The following RBMS3 variants were observed in gnomAD, a reference collection of about 807,000 sequenced individuals.
The protein encoded by RBMS3 is RNA-binding motif, single-stranded-interacting protein 3.
A neutral mutation model predicts 66.8 loss-of-function variants in RBMS3; 27 were observed. The ratio of observed to expected loss-of-function variants is 0.40; its 90% CI spans 0.30 to 0.56. RBMS3 has a LOEUF of 0.56. Among genes scored for constraint, RBMS3 ranks in the 20% least tolerant of loss-of-function variants. The pLI is 0.40. For synonymous variants in RBMS3, 188 were observed against 183.0 expected, an observed-to-expected ratio of 1.03 and a Z score of -0.22; for missense variants, 513 against 549.5, an observed-to-expected ratio of 0.93 and a Z score of 0.66.
rs2047776630 is a variant in RBMS3, at chr3:29,592,483, G to A, written c.399+5278G>A. On this transcript the variant is annotated intron_variant, in intron 4 of 14. Coordinates refer to ENST00000383767, the MANE Select transcript of RBMS3 (RefSeq NM_001003793.3). Reference sequence around the variant, plus strand: ...ATACCATCTCACACCAGTTAGAATGGCAATTATTAAAAAGTCAGGAAACAA... The same window carrying A: ...ATACCATCTCACACCAGTTAGAATGACAATTATTAAAAAGTCAGGAAACAA... Among the ~76,000 whole-genome samples the A allele has an allele frequency of 2.0e-5, 3 of 152,260 alleles. No individual in the cohort carries two copies. In the South Asian group the frequency reaches 6.2e-4, roughly 32 times the overall value.
intron 1 of RBMS3, among the ~76,000 whole-genome samples, chr3:29,388,548 C>T (rs1432622880): frequency 6.6e-6 from 1 of 152,138 alleles, no homozygotes; most frequent in Non-Finnish European, 1.5e-5. Flanking sequence ...ACCACTTTGC[C>T]CCCCACTGCC....
intron 1 of RBMS3, among the ~76,000 whole-genome samples, chr3:29,433,969 G>A (rs963052685): frequency 2.0e-5 from 3 of 152,140 alleles, no homozygotes; most frequent in Non-Finnish European, 2.9e-5. Flanking sequence ...GGCATTACTA[G>A]AATCTGGGAG....
At chr3:29,363,647 G>T (rs1420595088) in intron 1 of RBMS3, among the ~76,000 whole-genome samples, 2 of 152,002 alleles carry the variant, frequency 1.3e-5, no homozygotes, top group South Asian at 4.1e-4. Context: ...AAAATTAGCC[G>T]AGTGTTGTGG....
At chr3:29,317,063 G>A (rs185046428) in intron 1 of RBMS3, among the ~76,000 whole-genome samples, 10 of 151,756 alleles carry the variant, frequency 6.6e-5, no homozygotes, top group East Asian at 3.9e-4. Flanking sequence ...TTGTCAAAAC[G>A]TTTTTAGGGA....
rs577941573 is a variant in RBMS3 at position 29,959,829 on chromosome 3, C to T, written c.1098+15575C>T. On this transcript the variant is annotated intron_variant, in intron 12 of 14. Transcript: ENST00000383767. ...AACCATCAGATCTCCTGAGAACTCA[C>T]TATCACAAGAACAGCATAGAGGAAC... Among the ~76,000 whole-genome samples the T allele has an allele frequency of 4.4e-4, 67 of 152,236 alleles. No homozygotes were observed. The Middle Eastern group carries it at 0.01, about 23-fold the overall frequency.
intron 1 of RBMS3, among the ~76,000 whole-genome samples, chr3:29,311,124 T>C (rs2034347517): frequency 6.6e-6 from 1 of 151,772 alleles, no homozygotes; most frequent in Admixed American, 6.6e-5. Context: ...ATGGGGCCAG[T>C]GAGCATGGCA....
chr3:29,540,886 C>T (rs1043694280), intron 3 of RBMS3, among the ~76,000 whole-genome samples: 12 of 152,192 alleles, frequency 7.9e-5, no homozygotes, highest in Non-Finnish European at 1.0e-4. Flanking sequence ...CGCAATTTAA[C>T]ATAGGGATGG....
chr3:29,802,342 G>C (rs74967732), intron 6 of RBMS3, among the ~76,000 whole-genome samples: 1 of 152,044 alleles, frequency 6.6e-6, no homozygotes, highest in African/African-American at 2.4e-5. Context: ...TACTGTTCTC[G>C]TATTATATGA....
intron 1 of RBMS3, among the ~76,000 whole-genome samples, chr3:29,335,869 T>G (rs1021021823): frequency 6.6e-6 from 1 of 152,154 alleles, no homozygotes; most frequent in Non-Finnish European, 1.5e-5. Context: ...ACTTCCTGCC[T>G]CCCTCCCTCT....
At chr3:29,993,861 T>C (rs556326419) in intron 14 of RBMS3, among the ~76,000 whole-genome samples, 5 of 152,192 alleles carry the variant, frequency 3.3e-5, no homozygotes, top group Non-Finnish European at 5.9e-5. Flanking sequence ...ATCATGGGAC[T>C]TCTCAATCTT....
At chr3:29,877,511 T>C (rs2059636384) in intron 7 of RBMS3, among the ~76,000 whole-genome samples, 2 of 152,228 alleles carry the variant, frequency 1.3e-5, no homozygotes, top group African/African-American at 4.8e-5. Flanking sequence ...GCTTGCAGCC[T>C]TTTGTAGAAC....
chr3:29,363,185 A>C (rs917494423), intron 1 of RBMS3, among the ~76,000 whole-genome samples: 3 of 152,232 alleles, frequency 2.0e-5, no homozygotes, highest in African/African-American at 7.2e-5. Context: ...ATCCTTCAGG[A>C]GACTTAGTGT....
intron 4 of RBMS3, among the ~76,000 whole-genome samples, chr3:29,644,296 C>T (rs567163868): frequency 1.3e-5 from 2 of 152,086 alleles, no homozygotes; most frequent in African/African-American, 2.4e-5. Context: ...CAATTTTGAA[C>T]GGGTTTCAAT....
intron 3 of RBMS3, among the ~76,000 whole-genome samples, chr3:29,553,144 C>T (rs1479293241): frequency 1.3e-5 from 2 of 152,130 alleles, no homozygotes; most frequent in African/African-American, 2.4e-5. Flanking sequence ...AAGCATATTG[C>T]TTTTATTCCC....
intron 6 of RBMS3, among the ~76,000 whole-genome samples, chr3:29,818,383 CAT>C (rs2057978593): frequency 6.8e-6 from 1 of 146,398 alleles, no homozygotes; most frequent in Non-Finnish European, 1.5e-5. Flanking sequence ...ATTTTTTGTC[CAT>C]GTGTGTATTT....
At chr3:29,826,154 G>T (rs1360618519) in intron 6 of RBMS3, among the ~76,000 whole-genome samples, 2 of 152,042 alleles carry the variant, frequency 1.3e-5, no homozygotes, top group Non-Finnish European at 2.9e-5. Flanking sequence ...CTATGAAAAT[G>T]AATTTTAGTT....
chr3:29,998,740 C>T (rs1699418530), intron 14 of RBMS3, among the ~76,000 whole-genome samples: 1 of 152,114 alleles, frequency 6.6e-6, no homozygotes, highest in Non-Finnish European at 1.5e-5. Flanking sequence ...TGGATCCCTT[C>T]CTTACACCTT....
intron 3 of RBMS3, among the ~76,000 whole-genome samples, chr3:29,505,148 G>C (rs567261517): frequency 3.2e-4 from 48 of 152,138 alleles, no homozygotes; most frequent in African/African-American, 1.1e-3. Flanking sequence ...ATGTCACAGA[G>C]CTTTTCGGCT....
Position 29,620,995 on chromosome 3 carries a change from T to C in RBMS3, c.399+33790T>C, listed in dbSNP as rs150610048. Among the ~76,000 whole-genome samples the C allele has an allele frequency of 7.2e-3, 1,104 of 152,282 alleles. 12 individuals carry two copies. The highest frequency in any genetic ancestry group is 0.012 in the Non-Finnish European group (805 of 68,002). On this transcript the variant is annotated intron_variant, in intron 4 of 14. Transcript: ENST00000383767. ...TTAAGACTAAGAAATAGAATATTTCTTGTTTTTAAATGAAGTGCTCTATTC... is the reference window on the plus strand; with the variant it reads ...TTAAGACTAAGAAATAGAATATTTCCTGTTTTTAAATGAAGTGCTCTATTC...
Sources: gnomAD v4.1 joint callset for allele counts (sites outside exome capture counted in the v4.1 genomes callset) on GRCh38, gnomAD v4.1.1 for gene constraint, MANE v1.5 for transcripts, NCBI Gene and HGNC (gene_info 2026-07-23, HGNC 2026-07-21) for gene names.